Variants in ANKRD44 observed in about 807,000 individuals in gnomAD.
ANKRD44 encodes ankyrin repeat domain 44.
ANKRD44 carries 35 observed loss-of-function variants against 116.0 expected under a neutral mutation model. The ratio of observed to expected loss-of-function variants is 0.30; its 90% confidence interval spans 0.23 to 0.40. ANKRD44 has a LOEUF of 0.40. ANKRD44 is among the 10% of genes least tolerant of loss of function. The probability of loss-of-function intolerance (pLI) is 1.00; values close to 1 mark genes in which losing one functional copy is unlikely to be tolerated. For synonymous variants in ANKRD44, 435 were observed against 461.8 expected (o/e 0.94, Z 0.74); for missense variants, 1,014 against 1,242.6 (o/e 0.82, Z 2.77).
chr2:196,989,931 G>T (rs1022615305), intron 27 of ANKRD44: 7 of 1,089,292 alleles, frequency 6.4e-6, no homozygotes, highest in Admixed American at 5.1e-5. Flanking sequence ...TGCATATTGT[G>T]TCAAAGTTTT....
chr2:197,272,683 A>G (rs570672912), intron 1 of ANKRD44, among the ~76,000 whole-genome samples: 3 of 152,266 alleles, frequency 2.0e-5, no homozygotes, highest in African/African-American at 7.2e-5. Context: ...CCATTATGAA[A>G]TAGACCCAGA....
intron 3 of ANKRD44, among the ~76,000 whole-genome samples, chr2:197,146,615 T>C (rs1433434644): frequency 1.4e-5 from 2 of 147,158 alleles, no homozygotes; most frequent in African/African-American, 5.3e-5. Context: ...TTATGTAGCA[T>C]GTTTATGTAG....
chr2:197,019,916 C>T (rs2076465092), intron 17 of ANKRD44, among the ~76,000 whole-genome samples: 1 of 151,894 alleles, frequency 6.6e-6, no homozygotes, highest in African/African-American at 2.4e-5. Context: ...CCTGCCTCAG[C>T]CTCCCCAGTA....
intron 3 of ANKRD44, among the ~76,000 whole-genome samples, chr2:197,142,470 C>T (rs2079390072): frequency 1.3e-5 from 2 of 152,138 alleles, no homozygotes; most frequent in South Asian, 2.1e-4. Context: ...CCAAATCATA[C>T]AGCACAGGAG....
At chr2:197,063,286 A>T (rs1352605785) in intron 16 of ANKRD44, among the ~76,000 whole-genome samples, 1 of 152,194 alleles carries the variant, frequency 6.6e-6, no homozygotes, top group East Asian at 1.9e-4. Flanking sequence ...GGACATCCAC[A>T]CCAAAACCCC....
chr2:197,253,639 A>G (rs2082372780), intron 1 of ANKRD44, among the ~76,000 whole-genome samples: 1 of 152,228 alleles, frequency 6.6e-6, no homozygotes, highest in African/African-American at 2.4e-5. Context: ...AGACATCTCC[A>G]TATGTCAATT....
chr2:197,280,156 C>T (rs1013280434), intron 1 of ANKRD44, among the ~76,000 whole-genome samples: 1 of 152,154 alleles, frequency 6.6e-6, no homozygotes, highest in Admixed American at 6.5e-5. Flanking sequence ...CAGAAAAATC[C>T]TAAGAGGTGA....
At chr2:197,229,913 G>A (rs1273287003) in intron 1 of ANKRD44, among the ~76,000 whole-genome samples, 1 of 152,054 alleles carries the variant, frequency 6.6e-6, no homozygotes, top group African/African-American at 2.4e-5. Context: ...CCATATCTTG[G>A]GAGTGAATAA....
intron 2 of ANKRD44, among the ~76,000 whole-genome samples, chr2:197,157,926 A>G (rs1306121371): frequency 6.6e-6 from 1 of 152,176 alleles, no homozygotes; most frequent in Non-Finnish European, 1.5e-5. Flanking sequence ...TTCCCAAGTG[A>G]CAGAAGCCCT....
downstream of ANKRD44, among the ~76,000 whole-genome samples, chr2:196,981,947 T>A (rs2075803640): frequency 2.0e-5 from 3 of 151,530 alleles, no homozygotes; most frequent in African/African-American, 7.3e-5. Flanking sequence ...CATCTTGGTC[T>A]CTTGGTTTTC....
intron 4 of ANKRD44, among the ~76,000 whole-genome samples, chr2:197,131,974 T>G (rs1039906411): frequency 2.6e-5 from 4 of 152,228 alleles, no homozygotes; most frequent in Non-Finnish European, 5.9e-5. Flanking sequence ...AGGCTTCACA[T>G]GAACACTTCA....
chr2:197,000,987 G>A (rs113486714), intron 22 of ANKRD44, among the ~76,000 whole-genome samples: 5,419 of 152,318 alleles, frequency 0.036, 127 homozygotes, highest in South Asian at 0.059. Context: ...GCAGTGAGCC[G>A]AGATTGTGCC....
downstream of ANKRD44, among the ~76,000 whole-genome samples, chr2:196,984,888 G>A (rs1232604574): frequency 6.6e-6 from 1 of 152,202 alleles, no homozygotes; most frequent in Admixed American, 6.5e-5. Context: ...TGCTGTTCCT[G>A]CTGTTCACAC....
At chr2:197,157,760 G>C (rs557708270) in intron 2 of ANKRD44, among the ~76,000 whole-genome samples, 2 of 149,160 alleles carry the variant, frequency 1.3e-5, no homozygotes, top group South Asian at 4.3e-4. Context: ...TGAAACCTTT[G>C]ACAAATGTGT....
At chr2:196,978,468 A>G (rs967570693) in intron 21 of ANKRD44, among the ~76,000 whole-genome samples, 1 of 152,220 alleles carries the variant, frequency 6.6e-6, no homozygotes, top group African/African-American at 2.4e-5. Flanking sequence ...ATATTAAGAC[A>G]TGTATGAACC....
chr2:197,219,494 T>C (rs6734623), intron 1 of ANKRD44, among the ~76,000 whole-genome samples: 33,965 of 152,118 alleles, frequency 0.22, 4,058 homozygotes, highest in Middle Eastern at 0.31. Flanking sequence ...TAAACTAGTT[T>C]GGTGGGATTT....
intron 27 of ANKRD44, among the ~76,000 whole-genome samples, chr2:196,991,771 T>A (rs1330285204): frequency 6.6e-6 from 1 of 151,800 alleles, no homozygotes; most frequent in Non-Finnish European, 1.5e-5. Flanking sequence ...TGGTTTTTTT[T>A]TTTTGAGTCA....
intron 3 of ANKRD44, among the ~76,000 whole-genome samples, chr2:197,144,399 TCAGCTGCCAGACA>T (rs1158378811): frequency 6.6e-6 from 1 of 152,210 alleles, no homozygotes; most frequent in African/African-American, 2.4e-5. Flanking sequence ...CCCTAAAGGC[TCAGCTGCCAGACA>T]CAAGCTCAGA....
At chr2:197,130,983 G>A (rs1398222725) in intron 4 of ANKRD44, among the ~76,000 whole-genome samples, 1 of 152,212 alleles carries the variant, frequency 6.6e-6, no homozygotes, top group Non-Finnish European at 1.5e-5. Flanking sequence ...AAGCAGCACA[G>A]AATGGTGGTT....
Sources: gnomAD v4.1 joint callset for allele counts (sites outside exome capture counted in the v4.1 genomes callset) on GRCh38, gnomAD v4.1.1 for gene constraint, MANE v1.5 for transcripts, NCBI Gene and HGNC (gene_info 2026-07-23, HGNC 2026-07-21) for gene names.